The following PDZRN4 variants were observed in gnomAD, a reference collection of about 807,000 sequenced individuals.
PDZRN4 encodes the protein PDZ domain containing ring finger 4.
A neutral mutation model predicts 99.0 loss-of-function variants in PDZRN4; 70 were observed. That is an observed-to-expected ratio of 0.71 (90% CI 0.58 to 0.86). PDZRN4 has a LOEUF of 0.86. PDZRN4 is among the 40% of genes least tolerant of loss of function. The pLI is 0.00. For missense variants in PDZRN4, 1,474 were observed against 1,331.2 expected, an observed-to-expected ratio of 1.11 and a Z score of -1.67; for synonymous variants, 551 against 501.6, an observed-to-expected ratio of 1.10 and a Z score of -1.32.
At chr12:41,247,126 T>C (rs1323883403) in intron 3 of PDZRN4, among the ~76,000 whole-genome samples, 1 of 152,166 alleles carries the variant, frequency 6.6e-6, no homozygotes, top group Non-Finnish European at 1.5e-5. Context: ...TAATTTAAAA[T>C]TTAGTAAAGG....
chr12:41,245,172 T>C (rs1357915070), intron 3 of PDZRN4, among the ~76,000 whole-genome samples: 1 of 152,108 alleles, frequency 6.6e-6, no homozygotes, highest in Non-Finnish European at 1.5e-5. Context: ...TTGTGTATTA[T>C]ATATATATTG....
chr12:41,365,589 G>A (rs1534277), intron 3 of PDZRN4, among the ~76,000 whole-genome samples: 10,228 of 151,924 alleles, frequency 0.067, 862 homozygotes, highest in East Asian at 0.18. Context: ...TTGTGTTGAC[G>A]GATAGCAAGT....
intron 1 of PDZRN4, 49 bp downstream of exon 1, chr12:41,189,152 A>G: frequency 6.5e-7 from 1 of 1,530,198 alleles, no homozygotes; most frequent in South Asian, 1.2e-5. Flanking sequence ...TGGGGTGGGA[A>G]AAGGAGCGGT....
intron 3 of PDZRN4, among the ~76,000 whole-genome samples, chr12:41,256,957 C>T (rs1347322824): frequency 3.9e-5 from 6 of 152,120 alleles, no homozygotes; most frequent in African/African-American, 1.4e-4. Flanking sequence ...TATTTCATTG[C>T]TTTTCCCTTC....
intron 5 of PDZRN4, among the ~76,000 whole-genome samples, chr12:41,522,994 A>G (rs1479937686): frequency 3.9e-5 from 6 of 152,042 alleles, no homozygotes; most frequent in Non-Finnish European, 8.8e-5. Context: ...TAGACATCTA[A>G]TTGTATCACT....
intron 3 of PDZRN4, among the ~76,000 whole-genome samples, chr12:41,322,631 C>G (rs1951687645): frequency 6.6e-6 from 1 of 151,506 alleles, no homozygotes; most frequent in African/African-American, 2.4e-5. Context: ...GCTGGGACTA[C>G]AGGTGCCCAC....
intron 3 of PDZRN4, among the ~76,000 whole-genome samples, chr12:41,305,348 A>G (rs1472599167): frequency 1.3e-5 from 2 of 152,212 alleles, no homozygotes; most frequent in Admixed American, 6.5e-5. Context: ...CAAGTGGACT[A>G]AAACACTTAG....
chr12:41,568,679 CA>C (rs1939421822), intron 9 of PDZRN4, among the ~76,000 whole-genome samples: 1 of 152,046 alleles, frequency 6.6e-6, no homozygotes, highest in Non-Finnish European at 1.5e-5. Flanking sequence ...TCCCATTTTA[CA>C]AAAACAAGTT....
intron 3 of PDZRN4, chr12:41,477,839 C>G (rs769389602): frequency 6.9e-7 from 1 of 1,452,174 alleles, no homozygotes; most frequent in African/African-American, 1.4e-5. Flanking sequence ...AAATGCTTAT[C>G]TTTGGATTTT....
chr12:41,329,370 T>C (rs919968355), intron 3 of PDZRN4, among the ~76,000 whole-genome samples: 7 of 152,176 alleles, frequency 4.6e-5, no homozygotes, highest in African/African-American at 1.4e-4. Context: ...CATATGTTGA[T>C]GCACTATGTT....
intron 3 of PDZRN4, among the ~76,000 whole-genome samples, chr12:41,393,381 G>C (rs1272341258): frequency 6.6e-6 from 1 of 152,042 alleles, no homozygotes; most frequent in Non-Finnish European, 1.5e-5. Context: ...AACCCAATTA[G>C]TTGTAGCAAG....
At chr12:41,240,867 C>T (rs1350725084) in intron 3 of PDZRN4, among the ~76,000 whole-genome samples, 1 of 152,134 alleles carries the variant, frequency 6.6e-6, no homozygotes, top group Non-Finnish European at 1.5e-5. Flanking sequence ...CTAATACTAT[C>T]ATCTTGGGGG....
intron 3 of PDZRN4, among the ~76,000 whole-genome samples, chr12:41,196,858 T>C (rs569668047): frequency 3.3e-5 from 5 of 152,208 alleles, no homozygotes; most frequent in African/African-American, 1.2e-4. Flanking sequence ...TGATCAAAGA[T>C]TTGTTCATTG....
rs768581755 is a variant in PDZRN4 at position 41,189,006 on chromosome 12, A to C, written c.551A>C (p.Glu184Ala). 1 of 1,549,288 alleles carries C rather than the reference A, an allele frequency of 6.5e-7. No homozygotes were observed. Among genetic ancestry groups the C allele is most frequent in the Non-Finnish European group, 8.7e-7 (1 of 1,155,412 alleles). Residue 184 changes from glutamate to alanine, a missense_variant, in exon 1 of 10, where the codon GAG (glutamate) becomes GCG (alanine). Glu to Ala is a moderately radical substitution (Grantham distance 107, BLOSUM62 -1). Transcript: ENST00000402685. Reference sequence around the variant, plus strand: ...GCGCAGCTCTGGGCGCTGCAGGGCGAGGTGCAGCTCACGGCGCGCAGGTAC... The same window carrying C: ...GCGCAGCTCTGGGCGCTGCAGGGCGCGGTGCAGCTCACGGCGCGCAGGTAC... The part of the protein sequence containing the change: ...LLAQLWALQG[E>A]VQLTARRYQE...
intron 3 of PDZRN4, among the ~76,000 whole-genome samples, chr12:41,336,372 A>G (rs1318680850): frequency 6.6e-6 from 1 of 152,148 alleles, no homozygotes; most frequent in Non-Finnish European, 1.5e-5. Context: ...TCAGATACTC[A>G]TCTCTGGTCC....
intron 3 of PDZRN4, among the ~76,000 whole-genome samples, chr12:41,269,640 G>A (rs1010893129): frequency 1.2e-4 from 19 of 152,240 alleles, no homozygotes; most frequent in African/African-American, 3.4e-4. Context: ...CAGGCCTGGC[G>A]TCAGTTTCTC....
chr12:41,262,961 G>GTA (rs147075301), intron 3 of PDZRN4, among the ~76,000 whole-genome samples: 12,692 of 151,012 alleles, frequency 0.084, 673 homozygotes, highest in African/African-American at 0.15. Context: ...CTGTATATAT[G>GTA]TATATATATA....
rs533696414 is a variant in PDZRN4 at position 41,197,920 on chromosome 12, G to GTTTTTTT, written c.843+3737_843+3743dup. Among the ~76,000 whole-genome samples, 145 of 115,586 alleles carry GTTTTTTT rather than the reference G, an allele frequency of 1.3e-3. 8 individuals carry two copies. The highest frequency in any genetic ancestry group is 4.1e-3 in the African/African-American group (124 of 30,430). The allele number at this position is 115,586 out of a possible 152,430, so 75.8% of individuals were successfully genotyped here. ...TTCTTCTTTTCCTTGTTTTTTCTGG[G>GTTTTTTT]TTTTTTTTTTTGGAGACAGGATCTT... On this transcript the variant is annotated intron_variant, in intron 3 of 9. Transcript: ENST00000402685.
At chr12:41,510,479 TTCGAAAAG>T (rs1392413340) in intron 5 of PDZRN4, among the ~76,000 whole-genome samples, 5 of 152,098 alleles carry the variant, frequency 3.3e-5, no homozygotes, top group African/African-American at 7.2e-5. Context: ...TATATAACAA[TTCGAAAAG>T]TCCATCCATT....
Sources: allele counts gnomAD v4.1 joint callset (sites outside exome capture counted in the v4.1 genomes callset), GRCh38; gene constraint gnomAD v4.1.1; transcripts MANE v1.5; gene names NCBI Gene and HGNC (gene_info 2026-07-23, HGNC 2026-07-21).